Variants in CGNL1 observed in about 807,000 individuals in gnomAD.
CGNL1 encodes cingulin like 1.
CGNL1 carries 132 observed loss-of-function variants against 141.2 expected under a neutral mutation model. The observed-to-expected ratio is 0.93, with a 90% CI of 0.81 to 1.08. The LOEUF (loss-of-function observed/expected upper bound fraction) is 1.08. Ranked by LOEUF, CGNL1 falls within the 50% of genes least tolerant of loss-of-function variation. The pLI, the probability that CGNL1 is intolerant of heterozygous loss-of-function variation, is 0.00. For synonymous variants in CGNL1, 690 were observed against 622.1 expected (o/e 1.11, Z -1.63); for missense variants, 1,870 against 1,588.6 (o/e 1.18, Z -3.01).
chr15:57,501,914 G>C (rs1317451843), intron 8 of CGNL1, among the ~76,000 whole-genome samples: 1 of 152,182 alleles, frequency 6.6e-6, no homozygotes, highest in Non-Finnish European at 1.5e-5. Flanking sequence ...TGTGTGTCTA[G>C]AGGTGGTGGG....
intron 8 of CGNL1, among the ~76,000 whole-genome samples, chr15:57,465,930 A>G (rs940905606): frequency 1.3e-5 from 2 of 152,224 alleles, no homozygotes; most frequent in African/African-American, 2.4e-5. Context: ...TAACTCTGTA[A>G]TAGTGTATTT....
At chr15:57,473,737 G>A (rs898722876) in intron 8 of CGNL1, among the ~76,000 whole-genome samples, 21 of 152,130 alleles carry the variant, frequency 1.4e-4, no homozygotes, top group Middle Eastern at 3.4e-3. Context: ...GAAGCCACCT[G>A]TCAACAGCCA....
rs141642509 is a variant in CGNL1 at position 57,439,482 on chromosome 15, G to C, written c.1483G>C (p.Glu495Gln). ...CCTTGGTGCACAGAGTAAAAAGGAGGAGGAGGTGAAAACAGCCACCGCTAC... is the reference window on the plus strand; with the variant it reads ...CCTTGGTGCACAGAGTAAAAAGGAGCAGGAGGTGAAAACAGCCACCGCTAC... ...PSLGAQSKKE[E>Q]EVKTATATLM... Residue 495 changes from glutamate (E) to glutamine (Q), a missense_variant, in exon 2 of 19, where the codon GAG becomes CAG. Glu to Gln is a conservative substitution (Grantham distance 29). Transcript: ENST00000281282. The C allele has an allele frequency of 6.2e-7, 1 of 1,614,102 alleles. No individual in the cohort carries two copies. Among genetic ancestry groups the C allele is most frequent in the African/African-American group, 1.3e-5 (1 of 74,938 alleles).
Position 57,378,363 on chromosome 15 carries a change from G to GTTTTTTTTTTTTTT in CGNL1, c.-16+1818_-16+1831dup, listed in dbSNP as rs71116514. 4.7e-4 allele frequency among the ~76,000 whole-genome samples: 16 copies of GTTTTTTTTTTTTTT among 33,936 alleles called. 3 individuals are homozygous for GTTTTTTTTTTTTTT. Among genetic ancestry groups the GTTTTTTTTTTTTTT allele is most frequent in the Non-Finnish European group, 6.6e-4 (12 of 18,104 alleles). 22.3% of individuals were successfully genotyped at this position (33,936 alleles called of 152,430 possible). On this transcript the variant is annotated intron_variant, in intron 1 of 18. Coordinates refer to ENST00000281282, the MANE Select transcript of CGNL1 (RefSeq NM_032866.5). ...TTTCTTAGGGGGTGGCCCTCTATGT[G>GTTTTTTTTTTTTTT]TTTTTTTTTTTTTTTTTTTTTTTTT... is the stretch of plus-strand genomic sequence containing the variant.
At chr15:57,388,979 A>G (rs2062513417) in intron 1 of CGNL1, among the ~76,000 whole-genome samples, 1 of 152,222 alleles carries the variant, frequency 6.6e-6, no homozygotes, top group South Asian at 2.1e-4. Context: ...ATGAAATAAA[A>G]TTCTAAAGGT....
chr15:57,463,940 C>A (rs1312421288), intron 8 of CGNL1, among the ~76,000 whole-genome samples: 2 of 152,196 alleles, frequency 1.3e-5, no homozygotes, highest in Admixed American at 6.5e-5. Context: ...CCTTCCTTCA[C>A]CTTCCTTAGG....
chr15:57,387,963 A>T (rs1376223477), intron 1 of CGNL1, among the ~76,000 whole-genome samples: 2 of 152,372 alleles, frequency 1.3e-5, no homozygotes, highest in East Asian at 3.9e-4. Flanking sequence ...AGCTGCCACT[A>T]GTAGAAGATT....
intron 1 of CGNL1, among the ~76,000 whole-genome samples, chr15:57,424,131 C>T (rs1175522841): frequency 6.6e-6 from 1 of 152,216 alleles, no homozygotes; most frequent in African/African-American, 2.4e-5. Flanking sequence ...CTCTGCCCTC[C>T]GCGTCTCCCA....
At chr15:57,466,055 C>G (rs1304853048) in intron 8 of CGNL1, among the ~76,000 whole-genome samples, 2 of 152,182 alleles carry the variant, frequency 1.3e-5, no homozygotes, top group African/African-American at 4.8e-5. Flanking sequence ...TTGCATCTCA[C>G]TGGCAGAGCG....
intron 9 of CGNL1, 45 bp from the exon 10 acceptor site, chr15:57,518,348 T>C (rs772435374): frequency 7.2e-7 from 1 of 1,388,340 alleles, no homozygotes; most frequent in East Asian, 2.3e-5. Flanking sequence ...GTTTCATAGG[T>C]ACAGCACACA....
intron 1 of CGNL1, among the ~76,000 whole-genome samples, chr15:57,417,004 T>C (rs553989870): frequency 2.2e-4 from 33 of 152,260 alleles, no homozygotes; most frequent in Middle Eastern, 3.4e-3. Flanking sequence ...CTGCTCTATC[T>C]GGGTGACCCT....
intron 1 of CGNL1, among the ~76,000 whole-genome samples, chr15:57,383,299 T>TTTTTTTTTG (rs66786635): frequency 0.12 from 11,700 of 95,900 alleles, 544 homozygotes; most frequent in Admixed American, 0.19. Flanking sequence ...TTCCTTTTTT[T>TTTTTTTTTG]TTTTTTGTTT....
chr15:57,460,174 A>G (rs2063427806), intron 7 of CGNL1, among the ~76,000 whole-genome samples: 1 of 152,202 alleles, frequency 6.6e-6, no homozygotes, highest in African/African-American at 2.4e-5. Context: ...ACTACAAGAA[A>G]GAAGGGCATC....
intron 1 of CGNL1, among the ~76,000 whole-genome samples, chr15:57,385,919 A>G (rs1252957035): frequency 6.6e-6 from 1 of 152,250 alleles, no homozygotes; most frequent in Non-Finnish European, 1.5e-5. Context: ...AGCCAAGGCT[A>G]AGAAACCCTG....
intron 8 of CGNL1, among the ~76,000 whole-genome samples, chr15:57,479,559 G>A (rs2063699583): frequency 6.6e-6 from 1 of 152,204 alleles, no homozygotes; most frequent in African/African-American, 2.4e-5. Context: ...AGCTAGTTGG[G>A]AGGCTGAGGC....
chr15:57,536,280 G>A (rs138391470), intron 14 of CGNL1, among the ~76,000 whole-genome samples: 2,685 of 152,280 alleles, frequency 0.018, 75 homozygotes, highest in African/African-American at 0.06. Flanking sequence ...TGGGGATTAT[G>A]GGAGCTATAA....
chr15:57,422,998 G>A (rs944711807), intron 1 of CGNL1, among the ~76,000 whole-genome samples: 27 of 152,174 alleles, frequency 1.8e-4, no homozygotes, highest in African/African-American at 5.5e-4. Flanking sequence ...TAGTTTGGGG[G>A]TAGAAGGTAG....
intron 7 of CGNL1, 129 bp downstream of exon 7, chr15:57,453,947 T>A: frequency 1.0e-6 from 1 of 993,806 alleles, no homozygotes; most frequent in Non-Finnish European, 1.5e-6. Context: ...TCTTATGATC[T>A]GTGAGTCAGT....
intron 10 of CGNL1, among the ~76,000 whole-genome samples, chr15:57,522,107 A>AC (rs1338268552): frequency 6.6e-6 from 1 of 152,118 alleles, no homozygotes; most frequent in Non-Finnish European, 1.5e-5. Context: ...GGAGCACACT[A>AC]CTGCTAATTC....
Sources: allele counts gnomAD v4.1 joint callset (sites outside exome capture counted in the v4.1 genomes callset), GRCh38; gene constraint gnomAD v4.1.1; transcripts MANE v1.5; gene names NCBI Gene and HGNC (gene_info 2026-07-23, HGNC 2026-07-21).